Variants in VANGL1 observed in about 807,000 individuals in gnomAD.
VANGL1 encodes the protein vang-like protein 1.
VANGL1 carries 18 observed loss-of-function variants against 48.4 expected under a neutral mutation model. That is an observed-to-expected ratio of 0.37 (90% confidence interval 0.26 to 0.55). The LOEUF is 0.55. Among genes scored for constraint, VANGL1 ranks in the 20% least tolerant of loss-of-function variants. VANGL1 has a pLI of 0.81. For missense variants in VANGL1, 667 were observed against 675.8 expected (o/e 0.99, Z 0.14); for synonymous variants, 257 against 261.8 (o/e 0.98, Z 0.18).
rs1250706928 is a variant in VANGL1, at chr1:115,691,752, T to A, written c.*373T>A. ...GCTTCTGGTCAGCCCACTTGTAGAC[T>A]TCCAGGGGACACATCTTTATTCTGT... On this transcript the variant is annotated 3_prime_UTR_variant, in exon 8 of 8. Coordinates refer to ENST00000355485, the MANE Select transcript of VANGL1 (RefSeq NM_138959.3). 4.7e-6 allele frequency: 1 copy of A among 214,520 alleles called. No individual in the cohort carries two copies. The highest frequency in any genetic ancestry group is 9.3e-6 in the Non-Finnish European group (1 of 107,190). 13.3% of individuals were successfully genotyped at this position (214,520 alleles called of 1,614,324 possible).
In VANGL1 at chr1:115,691,026, T is replaced by TTTATA. The variant is rs892444860; in HGVS notation, c.1315-92_1315-91insTATAT. Reference sequence around the variant, plus strand: ...TCTAAGCTGGTTTATTTGGAAAAAGTTCTTTATAGATGTGAGAGTGGATAG... The same window carrying TTTATA: ...TCTAAGCTGGTTTATTTGGAAAAAGTTTATATCTTTATAGATGTGAGAGTGGATAG... On this transcript the variant is annotated intron_variant, in intron 7 of 7. Coordinates refer to ENST00000355485, the MANE Select transcript of VANGL1 (RefSeq NM_138959.3). 7.6e-5 allele frequency: 120 copies of TTTATA among 1,578,118 alleles called. No homozygotes were observed. In the African/African-American group the frequency reaches 1.5e-3, roughly 20 times the overall value.
At chr1:115,676,834 C>T (rs1653185396) in intron 4 of VANGL1, among the ~76,000 whole-genome samples, 1 of 152,258 alleles carries the variant, frequency 6.6e-6, no homozygotes, top group African/African-American at 2.4e-5. Flanking sequence ...CTGCCCCAGT[C>T]AATTCATTAG....
intron 4 of VANGL1, among the ~76,000 whole-genome samples, chr1:115,664,545 G>A (rs1652702014): frequency 6.6e-6 from 1 of 152,212 alleles, no homozygotes; most frequent in East Asian, 1.9e-4. Context: ...AAATGATGGA[G>A]AAAGGAGATG....
At chr1:115,642,209 G>C (rs1374561808) in intron 1 of VANGL1, 123 bp downstream of exon 1, 1 of 152,132 alleles carries the variant, frequency 6.6e-6, no homozygotes, top group Non-Finnish European at 1.5e-5. Context: ...TCGCCCCGCC[G>C]GACTTCGACC....
At chr1:115,645,047 G>T (rs376279006) in intron 1 of VANGL1, among the ~76,000 whole-genome samples, 1 of 152,096 alleles carries the variant, frequency 6.6e-6, no homozygotes, top group Non-Finnish European at 1.5e-5. Flanking sequence ...TGGTTTATAG[G>T]CCACAAGTTC....
chr1:115,683,328 T>C (rs1653461844), intron 5 of VANGL1, among the ~76,000 whole-genome samples: 1 of 152,136 alleles, frequency 6.6e-6, no homozygotes, highest in Non-Finnish European at 1.5e-5. Flanking sequence ...TTCTGAAAAG[T>C]TAAGGTGGTC....
At chr1:115,649,546 A>G (rs933942662) in intron 1 of VANGL1, among the ~76,000 whole-genome samples, 1 of 152,236 alleles carries the variant, frequency 6.6e-6, no homozygotes, top group Non-Finnish European at 1.5e-5. Context: ...CGGAACCCGC[A>G]AAGAGAGTGC....
In VANGL1 at chr1:115,673,784, G is replaced by A. The variant is rs113282185; in HGVS notation, c.813-8580G>A. Among the ~76,000 whole-genome samples the A allele has an allele frequency of 6.6e-3, 1,010 of 151,944 alleles. 13 individuals are homozygous for A. The highest frequency in any genetic ancestry group is 0.023 in the African/African-American group (941 of 41,410). ...CCAGCTGCTTTTTGTATTTTTAGTA[G>A]AGATGGGGTTTCACTTTGTTGGTCA... On this transcript the variant is annotated intron_variant, in intron 4 of 7. Transcript: ENST00000355485.
chr1:115,664,301 G>T, intron 4 of VANGL1, 33 bp downstream of exon 4: 4 of 1,608,830 alleles, frequency 2.5e-6, no homozygotes, highest in Non-Finnish European at 3.4e-6. Flanking sequence ...CAGAAAGGAT[G>T]GCTGATGTCT....
intron 4 of VANGL1, among the ~76,000 whole-genome samples, chr1:115,672,891 G>C (rs894442008): frequency 1.3e-5 from 2 of 152,166 alleles, no homozygotes; most frequent in Admixed American, 1.3e-4. Flanking sequence ...CTGACTGTCA[G>C]ACTGAAGTCA....
chr1:115,694,724 A>C lies in VANGL1; in HGVS notation c.*3345A>C, dbSNP rs548714679. ...GGGTCCTGCTGTGTAAGTATCCCTA[A>C]GTGGGGATGCATATTTGTTTGTGCG... is the stretch of plus-strand genomic sequence containing the variant. On this transcript the variant is annotated 3_prime_UTR_variant, in exon 8 of 8. Transcript: ENST00000355485. The C allele has an allele frequency of 2.9e-4, 44 of 152,260 alleles. No individual in the cohort carries two copies. The highest frequency in any genetic ancestry group is 1.0e-3 in the African/African-American group (42 of 41,530). The allele number at this position is 152,260 out of a possible 1,614,324, so 9.4% of individuals were successfully genotyped here. A position where few individuals can be genotyped will look rare whatever the true frequency, so the allele number is the denominator to read the frequency against.
intron 1 of VANGL1, among the ~76,000 whole-genome samples, chr1:115,649,008 T>C (rs1409564947): frequency 6.6e-6 from 1 of 152,108 alleles, no homozygotes; most frequent in Non-Finnish European, 1.5e-5. Context: ...TCAGGGAGGA[T>C]CTCAGTTCAC....
At chr1:115,665,393 A>G (rs1375400806) in intron 4 of VANGL1, among the ~76,000 whole-genome samples, 1 of 152,212 alleles carries the variant, frequency 6.6e-6, no homozygotes, top group African/African-American at 2.4e-5. Context: ...CACTTAGTTC[A>G]TTGCAGCTAT....
chr1:115,657,809 C>T (rs947962456), intron 2 of VANGL1, among the ~76,000 whole-genome samples: 2 of 152,214 alleles, frequency 1.3e-5, no homozygotes, highest in Non-Finnish European at 2.9e-5. Context: ...GTACTGACAT[C>T]TACTTGGCTT....
rs1468443223 is a variant in VANGL1 at position 115,688,852 on chromosome 1, C to T, written c.1315-2267C>T. ...TCACCCAGGATGGAGTGCAGTGGCA[C>T]GATCTCGGCTCACTGCAAACTCCAC... On this transcript the variant is annotated intron_variant, in intron 7 of 7. Transcript: ENST00000355485. 8.3e-5 allele frequency among the ~76,000 whole-genome samples: 11 copies of T among 132,648 alleles called. 1 individual carries two copies. The highest frequency in any genetic ancestry group is 2.1e-4 in the East Asian group (1 of 4,786). The allele number at this position is 132,648 out of a possible 152,430, so 87.0% of individuals were successfully genotyped here.
chr1:115,673,659 GTGCGATCTCAGCTCTC>G (rs1653064079), intron 4 of VANGL1, among the ~76,000 whole-genome samples: 1 of 140,994 alleles, frequency 7.1e-6, no homozygotes, highest in Admixed American at 7.4e-5. Flanking sequence ...GAGTGCCTTA[GTGCGATCTCAGCTCTC>G]TGCAACCTCT....
At chr1:115,659,533 GT>G in intron 2 of VANGL1, 107 bp from the exon 3 acceptor site, 1 of 1,305,260 alleles carries the variant, frequency 7.7e-7, no homozygotes, top group Non-Finnish European at 1.1e-6. Flanking sequence ...GTGTGTGTGT[GT>G]GTGTGTATGT....
chr1:115,662,804 T>TG (rs201406067), intron 3 of VANGL1, among the ~76,000 whole-genome samples: 3 of 151,450 alleles, frequency 2.0e-5, no homozygotes, highest in Admixed American at 6.6e-5. Context: ...TTTTTTTTTT[T>TG]GAGACGGAGT....
rs1653832168 is a variant in VANGL1, at chr1:115,691,434, T to C, written c.*55T>C. On this transcript the variant is annotated 3_prime_UTR_variant, in exon 8 of 8. Transcript: ENST00000355485. The stretch of plus-strand genomic sequence containing the variant: ...AAAAAGAAAAATATATAGAGAGATA[T>C]ATATCTATGCCAGAGGGGTGTCTTT... 18 of 1,553,294 alleles carry C rather than the reference T, an allele frequency of 1.2e-5. No individual in the cohort carries two copies. The highest frequency in any genetic ancestry group is 1.5e-5 in the Non-Finnish European group (17 of 1,149,456).
Sources: gnomAD v4.1 joint callset for allele counts (sites outside exome capture counted in the v4.1 genomes callset) on GRCh38, gnomAD v4.1.1 for gene constraint, MANE v1.5 for transcripts, NCBI Gene and HGNC (gene_info 2026-07-23, HGNC 2026-07-21) for gene names.